SAMMSON: variants seen among roughly 807,000 people sequenced by gnomAD.
The protein encoded by SAMMSON is long intergenic non-protein coding RNA 1212.
At chr3:70,085,986 A>G (rs1454509424) in intron 4 of SAMMSON, among the ~76,000 whole-genome samples, 2 of 152,252 alleles carry the variant, frequency 1.3e-5, no homozygotes, top group East Asian at 3.8e-4. Context: ...CTGTTTAAGA[A>G]TATCTAATAG....
At chr3:70,191,732 G>GAA (rs1458203604) in intron 4 of SAMMSON, among the ~76,000 whole-genome samples, 43 of 151,674 alleles carry the variant, frequency 2.8e-4, no homozygotes, top group African/African-American at 1.0e-3. Context: ...ACTTTATCTT[G>GAA]GTTTCATAAT....
At chr3:70,158,968 G>C (rs1454334223) in intron 4 of SAMMSON, among the ~76,000 whole-genome samples, 12 of 151,706 alleles carry the variant, frequency 7.9e-5, no homozygotes, top group African/African-American at 2.9e-4. Flanking sequence ...CAAACCTTTT[G>C]TGACTTACTC....
intron 3 of SAMMSON, among the ~76,000 whole-genome samples, chr3:70,057,320 C>G (rs990521833): frequency 6.6e-6 from 1 of 151,910 alleles, no homozygotes; most frequent in Non-Finnish European, 1.5e-5. Context: ...TTGAAAGTTA[C>G]CAGATCTTCA....
chr3:70,178,951 T>A (rs1701030150), intron 4 of SAMMSON, among the ~76,000 whole-genome samples: 2 of 152,072 alleles, frequency 1.3e-5, no homozygotes, highest in South Asian at 2.1e-4. Flanking sequence ...CAGTGAGCCA[T>A]GATCATGCCA....
At chr3:70,097,012 T>C (rs1470712461) in intron 4 of SAMMSON, among the ~76,000 whole-genome samples, 1 of 152,180 alleles carries the variant, frequency 6.6e-6, no homozygotes, top group Non-Finnish European at 1.5e-5. Flanking sequence ...TAAAGAATCA[T>C]AAAAGTTGTT....
At chr3:70,331,964 T>C (rs868113804) in intron 7 of SAMMSON, among the ~76,000 whole-genome samples, 8 of 152,226 alleles carry the variant, frequency 5.3e-5, no homozygotes, top group Admixed American at 2.6e-4. Context: ...CACTACTGTA[T>C]GTGCAGACAA....
At chr3:70,099,156 G>A (rs1447888257) in intron 4 of SAMMSON, among the ~76,000 whole-genome samples, 2 of 151,964 alleles carry the variant, frequency 1.3e-5, no homozygotes, top group African/African-American at 4.8e-5. Flanking sequence ...TTCAAATATT[G>A]ACACTACTTC....
chr3:70,177,105 A>C (rs1040588947), intron 4 of SAMMSON, among the ~76,000 whole-genome samples: 1 of 152,240 alleles, frequency 6.6e-6, no homozygotes, highest in African/African-American at 2.4e-5. Context: ...GTTAATCCAA[A>C]CAACTAGAGA....
At chr3:70,288,631 G>A (rs776646440) in intron 6 of SAMMSON, among the ~76,000 whole-genome samples, 30 of 151,502 alleles carry the variant, frequency 2.0e-4, no homozygotes, top group Non-Finnish European at 3.2e-4. Flanking sequence ...TTTCTGTCTC[G>A]TTGATCCGTC....
chr3:70,179,144 A>C (rs1187317086), intron 4 of SAMMSON, among the ~76,000 whole-genome samples: 1 of 152,192 alleles, frequency 6.6e-6, no homozygotes, highest in Non-Finnish European at 1.5e-5. Context: ...ATGAAGACTT[A>C]AGAGGTTAAG....
chr3:70,325,105 G>A (rs1214719589), intron 7 of SAMMSON, among the ~76,000 whole-genome samples: 1 of 152,124 alleles, frequency 6.6e-6, no homozygotes, highest in African/African-American at 2.4e-5. Context: ...TGGCAAAATT[G>A]TAAAATAAGG....
intron 4 of SAMMSON, among the ~76,000 whole-genome samples, chr3:70,153,148 T>G (rs1019865098): frequency 6.6e-6 from 1 of 152,024 alleles, no homozygotes; most frequent in Non-Finnish European, 1.5e-5. Flanking sequence ...AGGGGCGTTA[T>G]TCTGTCAATA....
chr3:70,155,266 C>G (rs1023054059), intron 4 of SAMMSON, among the ~76,000 whole-genome samples: 47 of 151,890 alleles, frequency 3.1e-4, no homozygotes, highest in African/African-American at 1.1e-3. Flanking sequence ...GTTTATTTCT[C>G]TGGATTATGA....
intron 4 of SAMMSON, among the ~76,000 whole-genome samples, chr3:70,172,064 T>C (rs991054604): frequency 6.6e-5 from 10 of 151,902 alleles, no homozygotes; most frequent in African/African-American, 2.4e-4. Context: ...CAACAATGAT[T>C]TAATCTAGAT....
intron 6 of SAMMSON, among the ~76,000 whole-genome samples, chr3:70,274,709 A>G (rs1468177791): frequency 6.6e-6 from 1 of 152,176 alleles, no homozygotes; most frequent in Non-Finnish European, 1.5e-5. Context: ...GCACACATCT[A>G]CCTATGTAAC....
intron 7 of SAMMSON, among the ~76,000 whole-genome samples, chr3:70,308,754 T>C (rs185025626): frequency 2.6e-5 from 4 of 152,258 alleles, no homozygotes; most frequent in Admixed American, 2.6e-4. Context: ...GGATAAATGA[T>C]ATGAATGTTT....
At chr3:70,375,535 A>G (rs184647927) in intron 9 of SAMMSON, among the ~76,000 whole-genome samples, 11 of 151,890 alleles carry the variant, frequency 7.2e-5, no homozygotes, top group African/African-American at 2.7e-4. Flanking sequence ...GGGAGGGGGT[A>G]AGGGCCAGGG....
intron 7 of SAMMSON, among the ~76,000 whole-genome samples, chr3:70,319,705 T>C (rs906347231): frequency 1.3e-5 from 2 of 152,054 alleles, no homozygotes; most frequent in Non-Finnish European, 2.9e-5. Context: ...AATCATATGA[T>C]AGGTAAGAAT....
intron 2 of SAMMSON, among the ~76,000 whole-genome samples, chr3:70,425,399 T>TA (rs942463960): frequency 6.6e-6 from 1 of 150,468 alleles, no homozygotes; most frequent in Non-Finnish European, 1.5e-5. Context: ...TCTATTTTTT[T>TA]ATTATTTATT....
Sources: gnomAD v4.1 joint callset for allele counts (sites outside exome capture counted in the v4.1 genomes callset) on GRCh38, gnomAD v4.1.1 for gene constraint, MANE v1.5 for transcripts, NCBI Gene and HGNC (gene_info 2026-07-23, HGNC 2026-07-21) for gene names.